EXOC3L4: variants seen among roughly 807,000 people sequenced by gnomAD.
The protein encoded by EXOC3L4 is exocyst complex component 3 like 4.
In EXOC3L4, 62 loss-of-function variants were observed where a neutral mutation model predicts 69.7. The observed-to-expected ratio is 0.89, with a 90% CI of 0.72 to 1.10. The LOEUF is 1.10. Ranked by LOEUF, EXOC3L4 falls within the 50% of genes least tolerant of loss-of-function variation. The probability of loss-of-function intolerance (pLI) is 0.00; values close to 1 mark genes in which losing one functional copy is unlikely to be tolerated. For missense variants in EXOC3L4, 1,087 were observed against 1,034.8 expected (o/e 1.05, Z -0.69); for synonymous variants, 502 against 464.2 (o/e 1.08, Z -1.05).
chr14:103,096,398 A>ATTTTTTTTTTTTTT (rs1440659126), intron 1 of EXOC3L4, among the ~76,000 whole-genome samples: 7 of 68,528 alleles, frequency 1.0e-4, no homozygotes, highest in African/African-American at 3.1e-4. Context: ...TTTTGGCAAG[A>ATTTTTTTTTTTTTT]TTCTTTTTTT....
chr14:103,103,842 G>GTTCGGGAT, intron 3 of EXOC3L4, 99 bp from the exon 4 acceptor site: 1 of 659,576 alleles, frequency 1.5e-6, no homozygotes, highest in Non-Finnish European at 2.6e-6. Flanking sequence ...AGATGCCCAG[G>GTTCGGGAT]TTCGGGATTG....
intron 5 of EXOC3L4, 112 bp from the exon 6 acceptor site, chr14:103,104,626 A>T: frequency 7.9e-7 from 1 of 1,262,244 alleles, no homozygotes; most frequent in Non-Finnish European, 1.0e-6. Flanking sequence ...TGGAGGGGCC[A>T]AGACTGACAG....
chr14:103,110,416 G>A lies in EXOC3L4; in HGVS notation c.*193G>A, dbSNP rs970247224. 6.8e-6 allele frequency: 5 copies of A among 733,268 alleles called. No homozygotes were observed. In the East Asian group the frequency reaches 8.2e-5, roughly 12 times the overall value. 45.4% of individuals were successfully genotyped at this position (733,268 alleles called of 1,614,324 possible). On this transcript the variant is annotated 3_prime_UTR_variant, in exon 12 of 12. Transcript: ENST00000688303. ...CCGTGCAGGAGGCATTTCAGGCATC[G>A]TTGAGGGGAGTGTTTTGGGGCCGCA...
intron 2 of EXOC3L4, 93 bp downstream of exon 2, chr14:103,100,706 A>C: frequency 1.4e-6 from 2 of 1,424,998 alleles, no homozygotes; most frequent in East Asian, 2.5e-5. Context: ...TGTCCTCCCT[A>C]GCTCCCCAAA....
intron 1 of EXOC3L4, among the ~76,000 whole-genome samples, chr14:103,099,669 C>T (rs1366207999): frequency 2.6e-5 from 4 of 152,198 alleles, no homozygotes; most frequent in African/African-American, 9.7e-5. Context: ...CCATGGGGGT[C>T]CCTGCCCTCC....
intron 11 of EXOC3L4, among the ~76,000 whole-genome samples, chr14:103,109,122 C>G (rs567310568): frequency 1.3e-5 from 2 of 150,296 alleles, no homozygotes. Flanking sequence ...CCGTTGGCCC[C>G]GTCACCCGCA....
In EXOC3L4 at chr14:103,097,467, G is replaced by A. The variant is rs2139460239; in HGVS notation, c.-17+2627G>A. On this transcript the variant is annotated intron_variant, in intron 1 of 11. Transcript: ENST00000688303. This position sits in a 1 kb window ranked among gnomAD's most constrained non-coding sequence, Gnocchi z 4.9. ...CAGGGACAGGCCAGGCGAGAGCCTT[G>A]GGAGGTGGAGGGGGGAGTTGAGAGG... Among the ~76,000 whole-genome samples, 1 of 152,264 alleles carries A rather than the reference G, an allele frequency of 6.6e-6. No individual in the cohort carries two copies. The highest frequency in any genetic ancestry group is 2.1e-4 in the South Asian group (1 of 4,830).
intron 1 of EXOC3L4, among the ~76,000 whole-genome samples, chr14:103,095,661 G>A (rs1889858412): frequency 6.6e-6 from 1 of 152,210 alleles, no homozygotes; most frequent in African/African-American, 2.4e-5. Context: ...TGCTTCTTCC[G>A]AGGGCAGCAG....
Position 103,107,776 on chromosome 14 carries a change from A to C in EXOC3L4, c.1847A>C (p.Gln616Pro). Residue 616 changes from glutamine to proline, a missense_variant, in exon 10 of 12, where the codon CAG becomes CCG. By Grantham distance (76) the Gln-to-Pro change is moderately conservative. Coordinates refer to ENST00000688303, the MANE Select transcript of EXOC3L4 (RefSeq NM_001077594.2). ...GCCCAGGCCATCAGCGACACCTTCCAGGGCCTGGTAGGGGCGGCATGACTG... is the reference window on the plus strand; with the variant it reads ...GCCCAGGCCATCAGCGACACCTTCCCGGGCCTGGTAGGGGCGGCATGACTG... ...LDAQAISDTF[Q>P]GLGSEATWLD... The C allele has an allele frequency of 6.6e-7, 1 of 1,519,032 alleles. No individual in the cohort carries two copies. The highest frequency in any genetic ancestry group is 1.2e-5 in the South Asian group (1 of 80,400). The allele number at this position is 1,519,032 out of a possible 1,614,324, so 94.1% of individuals were successfully genotyped here. A position where few individuals can be genotyped will look rare whatever the true frequency, so the allele number is the denominator to read the frequency against.
chr14:103,104,172 C>A, intron 4 of EXOC3L4, 95 bp from the exon 5 acceptor site: 1 of 1,445,694 alleles, frequency 6.9e-7, no homozygotes, highest in Non-Finnish European at 9.1e-7. Context: ...TGGCCCCCGG[C>A]GCGGGCTTGT....
Position 103,104,079 on chromosome 14 carries a change from G to A in EXOC3L4, c.1161+27G>A, listed in dbSNP as rs765215896. ...TCAGGCCGGGCGGGTCAGGCTGGGC[G>A]GGCCAGGCTGGAGGGGGCGGGCCCT... On this transcript the variant is annotated intron_variant, in intron 4 of 11. Transcript: ENST00000688303. 3.9e-6 allele frequency: 6 copies of A among 1,521,556 alleles called. No homozygotes were observed. The South Asian group carries it at 7.4e-5, about 19-fold the overall frequency. 94.3% of individuals were successfully genotyped at this position (1,521,556 alleles called of 1,614,324 possible).
chr14:103,105,177 G>A, intron 7 of EXOC3L4, 105 bp downstream of exon 7: 3 of 1,123,690 alleles, frequency 2.7e-6, no homozygotes, highest in South Asian at 1.5e-5. Flanking sequence ...GGGGGCAGAG[G>A]TGAGGAGTGT....
In EXOC3L4 at chr14:103,103,311, C is replaced by T. The variant is rs187135524; in HGVS notation, c.1049+539C>T. Among the ~76,000 whole-genome samples, 727 of 135,956 alleles carry T rather than the reference C, an allele frequency of 5.3e-3. 7 individuals are homozygous for T. The highest frequency in any genetic ancestry group is 0.02 in the African/African-American group (698 of 35,572). The allele number at this position is 135,956 out of a possible 152,430, so 89.2% of individuals were successfully genotyped here. ...CGGAGGTTGCAGTGAGCCGAGGTCG[C>T]GCTATTGCACTCCAGCATGGGCGAC... On this transcript the variant is annotated intron_variant, in intron 3 of 11. Transcript: ENST00000688303.
chr14:103,103,797 CGTGTGTGT>C (rs56147384), intron 3 of EXOC3L4, 136 bp from the exon 4 acceptor site: 16 of 433,624 alleles, frequency 3.7e-5, no homozygotes, highest in Middle Eastern at 4.5e-4. Flanking sequence ...GGCGCGCGCG[CGTGTGTGT>C]GTGTGTGTGT....
chr14:103,103,870 T>C, intron 3 of EXOC3L4, 71 bp from the exon 4 acceptor site: 1 of 1,019,906 alleles, frequency 9.8e-7, no homozygotes, highest in Non-Finnish European at 1.4e-6. Flanking sequence ...ACTTTGAGCC[T>C]GGCCAGAAGA....
rs565592291 is a variant in EXOC3L4, at chr14:103,104,134, C to A, written c.1161+82C>A. The A allele has an allele frequency of 2.1e-3, 3,059 of 1,443,932 alleles. 52 individuals carry two copies. The African/African-American group carries it at 0.039, about 18-fold the overall frequency. 89.4% of individuals were successfully genotyped at this position (1,443,932 alleles called of 1,614,324 possible). ...GGATGTGCGGCGCCCAGGCTATCGG[C>A]GGCCAGAGCTGGCTCTGGTTCACCC... On this transcript the variant is annotated intron_variant, in intron 4 of 11. Coordinates refer to ENST00000688303, the MANE Select transcript of EXOC3L4 (RefSeq NM_001077594.2).
intron 3 of EXOC3L4, chr14:103,103,560 C>T (rs1480649476): frequency 5.7e-6 from 1 of 174,916 alleles, no homozygotes; most frequent in African/African-American, 2.4e-5. Context: ...GGGAGGTTGC[C>T]TGAAGTCCCG....
Position 103,102,117 on chromosome 14 carries a change from GAAGGCAA to G in EXOC3L4, c.396_402del (p.Glu132AspfsTer85), listed in dbSNP as rs1890217698. On this transcript the variant is annotated frameshift_variant and splice_region_variant, in exon 3 of 12. Coordinates refer to ENST00000688303, the MANE Select transcript of EXOC3L4 (RefSeq NM_001077594.2). LOFTEE classifies it high-confidence loss of function. ...ACCGCCCTTCTCGCCCGCCTGTGCA[GAAGGCAA>G]ATCCGTGGCCGACCTCATTACTGAA... is the stretch of plus-strand genomic sequence containing the variant. 6.2e-7 allele frequency: 1 copy of G among 1,600,908 alleles called. No homozygotes were observed. Among genetic ancestry groups the G allele is most frequent in the African/African-American group, 1.3e-5 (1 of 74,576 alleles).
rs372725381 is a variant in EXOC3L4, at chr14:103,100,303, C to A, written c.84C>A (p.Gly28=). Reference sequence around the variant, plus strand: ...AGGAGCCACAGACTCCAGCTCAGGGCTCCCGGCGAACAAGCAGCAGGAAAG... The same window carrying A: ...AGGAGCCACAGACTCCAGCTCAGGGATCCCGGCGAACAAGCAGCAGGAAAG... The part of the protein sequence containing the change: ...EAEEPQTPAQ[G]SRRTSSRKEP... Residue 28 remains glycine, a synonymous_variant, in exon 2 of 12, where the codon GGC becomes GGA. Transcript: ENST00000688303. 1 of 1,583,072 alleles carries A rather than the reference C, an allele frequency of 6.3e-7. No homozygotes were observed.
Sources: gnomAD v4.1 joint callset for allele counts (sites outside exome capture counted in the v4.1 genomes callset) on GRCh38, gnomAD v4.1.1 for gene constraint, Gnocchi (gnomAD v3.1) non-coding constraint, MANE v1.5 for transcripts, NCBI Gene and HGNC (gene_info 2026-07-23, HGNC 2026-07-21) for gene names.